The following KTN1 variants were observed in gnomAD, a reference collection of about 807,000 sequenced individuals.
KTN1 encodes kinectin.
Under a neutral mutation model 222.5 loss-of-function variants are expected in KTN1, and 130 were observed. That is an observed-to-expected ratio of 0.58 (90% CI 0.51 to 0.68). The LOEUF is 0.68. Ranked by LOEUF, KTN1 falls within the 30% of genes least tolerant of loss-of-function variation. The probability of loss-of-function intolerance (pLI) is 0.00; values close to 1 mark genes in which losing one functional copy is unlikely to be tolerated. For missense variants in KTN1, 1,508 were observed against 1,500.4 expected, an observed-to-expected ratio of 1.01 and a Z score of -0.08; for synonymous variants, 512 against 496.3, an observed-to-expected ratio of 1.03 and a Z score of -0.42.
At position 55,612,262 on chromosome 14, in the gene KTN1, C is replaced by G. The variant is rs778012401; in HGVS notation, c.214C>G (p.Leu72Val). Residue 72 changes from leucine (L) to valine (V), a missense_variant, in exon 2 of 44, where the codon CTC becomes GTC. By Grantham distance (32) the Leu-to-Val change is conservative. Coordinates refer to ENST00000395314, the MANE Select transcript of KTN1 (RefSeq NM_001079521.2). ...NKKKEIQNGN[L>V]HESDSESVPR... is the part of the protein sequence containing the mutation. ...AAAGAAAGAAATCCAGAATGGAAAC[C>G]TCCATGAATCCGACTCTGAGAGTGT... 3.1e-6 allele frequency: 5 copies of G among 1,594,800 alleles called. No individual in the cohort carries two copies. In the South Asian group the frequency reaches 5.8e-5, roughly 19 times the overall value.
intron 5 of KTN1, among the ~76,000 whole-genome samples, chr14:55,625,517 T>C (rs1319671965): frequency 6.6e-6 from 1 of 152,166 alleles, no homozygotes; most frequent in East Asian, 1.9e-4. Context: ...CAGATACTTG[T>C]AATATTTAAC....
chr14:55,606,586 A>G (rs1291352977), intron 1 of KTN1, among the ~76,000 whole-genome samples: 3 of 151,456 alleles, frequency 2.0e-5, no homozygotes, highest in African/African-American at 7.3e-5. Context: ...AGAGCAACTG[A>G]AACACTATAG....
At chr14:55,660,038 T>C (rs577076530) in intron 31 of KTN1, among the ~76,000 whole-genome samples, 1 of 152,326 alleles carries the variant, frequency 6.6e-6, no homozygotes, top group South Asian at 2.1e-4. Flanking sequence ...TTCTTCTAGA[T>C]GTGATTGTGT....
At chr14:55,649,954 A>C (rs141137299) in intron 22 of KTN1, 141 bp downstream of exon 22, 1 of 538,338 alleles carries the variant, frequency 1.9e-6, no homozygotes, top group Non-Finnish European at 3.2e-6. Context: ...TCTTAATGGA[A>C]TAAGAGAACT....
chr14:55,639,232 C>A lies in KTN1; in HGVS notation c.1823+10C>A. 1 of 1,589,530 alleles carries A rather than the reference C, an allele frequency of 6.3e-7. No homozygotes were observed. The highest frequency in any genetic ancestry group is 8.6e-7 in the Non-Finnish European group (1 of 1,158,552). On this transcript the variant is annotated intron_variant, in intron 13 of 43. Transcript: ENST00000395314. ...AAGAATTACATAAAGTGTAAGCCTA[C>A]CTTTTCACACTCTTATAATTGTGTA...
intron 38 of KTN1, 49 bp downstream of exon 38, chr14:55,672,750 A>G (rs753789610): frequency 3.9e-6 from 5 of 1,288,120 alleles, no homozygotes; most frequent in Non-Finnish European, 5.6e-6. Flanking sequence ...TGTTTTTAGC[A>G]TTAACGGTTG....
At chr14:55,585,545 G>A (rs548106274) in intron 1 of KTN1, among the ~76,000 whole-genome samples, 30 of 151,904 alleles carry the variant, frequency 2.0e-4, no homozygotes, top group Admixed American at 2.0e-4. Flanking sequence ...TTCTAGTATT[G>A]GTTTCTTTAA....
chr14:55,611,495 G>T (rs1020330270), intron 1 of KTN1, among the ~76,000 whole-genome samples: 3 of 152,002 alleles, frequency 2.0e-5, no homozygotes, highest in African/African-American at 7.3e-5. Flanking sequence ...TGCATCATGA[G>T]GCTGATAGTC....
chr14:55,619,994 A>G (rs1423522287), intron 5 of KTN1, among the ~76,000 whole-genome samples: 1 of 152,018 alleles, frequency 6.6e-6, no homozygotes, highest in Non-Finnish European at 1.5e-5. Flanking sequence ...GTAAAATCAG[A>G]AGCAACTTAG....
chr14:55,641,646 T>A (rs1032834800), intron 17 of KTN1, 46 bp from the exon 18 acceptor site: 7 of 1,177,084 alleles, frequency 5.9e-6, no homozygotes, highest in Non-Finnish European at 8.9e-6. Flanking sequence ...ATTGCTTTAT[T>A]ACCTTTTTTC....
At chr14:55,636,324 A>G in intron 9 of KTN1, 125 bp from the exon 10 acceptor site, 1 of 643,178 alleles carries the variant, frequency 1.6e-6, no homozygotes, top group Non-Finnish European at 2.8e-6. Context: ...AATGTAGGAG[A>G]CTAGTTGCAA....
intron 2 of KTN1, among the ~76,000 whole-genome samples, chr14:55,616,235 C>T (rs1194842984): frequency 6.6e-6 from 1 of 152,064 alleles, no homozygotes; most frequent in Non-Finnish European, 1.5e-5. Context: ...CAGGTGTGAG[C>T]AGCTGCACCT....
At chr14:55,599,031 T>C (rs2035534599) in intron 1 of KTN1, among the ~76,000 whole-genome samples, 1 of 152,194 alleles carries the variant, frequency 6.6e-6, no homozygotes, top group Non-Finnish European at 1.5e-5. Flanking sequence ...TTGTGGTACA[T>C]TGTCAGTTTT....
At chr14:55,671,250 G>A (rs1398108733) in intron 35 of KTN1, 2 of 302,592 alleles carry the variant, frequency 6.6e-6, no homozygotes, top group Admixed American at 9.5e-5. Context: ...ATCTCAAGTG[G>A]CATGAATAAA....
In KTN1 at chr14:55,637,384, T is replaced by G; in HGVS notation, c.1716+20T>G. The G allele has an allele frequency of 6.6e-7, 1 of 1,520,234 alleles. No homozygotes were observed. The highest frequency in any genetic ancestry group is 8.8e-7 in the Non-Finnish European group (1 of 1,131,212). The allele number at this position is 1,520,234 out of a possible 1,614,324, so 94.2% of individuals were successfully genotyped here. A position where few individuals can be genotyped will look rare whatever the true frequency, so the allele number is the denominator to read the frequency against. ...GTTCAGGTATTTTTTCTTCTTTTTT[T>G]TTTTTTAAAAAAATACAGGTGGTCA... On this transcript the variant is annotated intron_variant, in intron 11 of 43. Transcript: ENST00000395314.
In KTN1 at chr14:55,619,342, T is replaced by G. The variant is rs758321106; in HGVS notation, c.963+30T>G. The G allele has an allele frequency of 3.7e-6, 6 of 1,604,858 alleles. No individual in the cohort carries two copies. In the East Asian group the frequency reaches 1.3e-4, roughly 36 times the overall value. ...GCGTGTTTTTTGATTATGGGCATAT[T>G]CATGACCAGTCATTAGAAGTTCACC... On this transcript the variant is annotated intron_variant, in intron 5 of 43. Transcript: ENST00000395314.
chr14:55,592,663 CCCT>C (rs1321510877), intron 1 of KTN1, among the ~76,000 whole-genome samples: 2 of 152,136 alleles, frequency 1.3e-5, no homozygotes, highest in East Asian at 3.8e-4. Context: ...ACTTTGAAGT[CCCT>C]CCTCCAGTCC....
intron 32 of KTN1, chr14:55,663,728 C>A: frequency 2.4e-6 from 1 of 413,058 alleles, no homozygotes; most frequent in Non-Finnish European, 4.3e-6. Flanking sequence ...ATTTTAAAAG[C>A]TGGCCTATTT....
At chr14:55,682,343 A>T (rs1028827881) in intron 43 of KTN1, 15 of 152,262 alleles carry the variant, frequency 9.9e-5, no homozygotes, top group African/African-American at 3.1e-4. Context: ...AGATTGATTA[A>T]GATGCCTTTT....
Sources: gnomAD v4.1 joint callset for allele counts (sites outside exome capture counted in the v4.1 genomes callset) on GRCh38, gnomAD v4.1.1 for gene constraint, MANE v1.5 for transcripts, NCBI Gene and HGNC (gene_info 2026-07-23, HGNC 2026-07-21) for gene names.